The following SCN2A variants were observed in gnomAD, a reference collection of about 807,000 sequenced individuals.
SCN2A encodes the protein sodium voltage-gated channel alpha subunit 2.
In SCN2A, 20 loss-of-function variants were observed where a neutral mutation model predicts 188.7. The observed-to-expected ratio is 0.11, with a 90% CI of 0.07 to 0.15. The LOEUF (loss-of-function observed/expected upper bound fraction) is 0.15. Among genes scored for constraint, SCN2A ranks in the 10% least tolerant of loss-of-function variants. SCN2A has a pLI of 1.00. For missense variants in SCN2A, 1,278 were observed against 2,445.0 expected (o/e 0.52, Z 10.07); for synonymous variants, 804 against 833.1 (o/e 0.97, Z 0.60).
At chr2:165,266,235 A>G (rs2106096542) in intron 1 of SCN2A, among the ~76,000 whole-genome samples, 1 of 152,196 alleles carries the variant, frequency 6.6e-6, no homozygotes, top group Admixed American at 6.6e-5. Flanking sequence ...AATACTCAGA[A>G]GTATCTATTC....
At chr2:165,382,908 T>C (rs1224056771) in intron 25 of SCN2A, among the ~76,000 whole-genome samples, 5 of 152,150 alleles carry the variant, frequency 3.3e-5, no homozygotes, top group Admixed American at 1.3e-4. Context: ...TTCATCAAGA[T>C]ATAGGAAGAA....
At chr2:165,291,100 G>T (rs1273468322) in intron 1 of SCN2A, among the ~76,000 whole-genome samples, 1 of 122,164 alleles carries the variant, frequency 8.2e-6, no homozygotes, top group African/African-American at 3.1e-5. Context: ...GGAGTGCAGT[G>T]GCATGATCTT....
intron 3 of SCN2A, among the ~76,000 whole-genome samples, chr2:165,298,102 A>C (rs1027163323): frequency 6.6e-6 from 1 of 152,208 alleles, no homozygotes; most frequent in African/African-American, 2.4e-5. Context: ...TGCTTCAGGA[A>C]TCAGAGGTAA....
intron 22 of SCN2A, among the ~76,000 whole-genome samples, chr2:165,375,406 T>C (rs72874380): frequency 0.26 from 39,115 of 151,668 alleles, 5,442 homozygotes; most frequent in South Asian, 0.32. Context: ...TATATGTATA[T>C]GTATATATAT....
intron 1 of SCN2A, among the ~76,000 whole-genome samples, chr2:165,283,587 T>C (rs796126465): frequency 1.5e-4 from 23 of 152,316 alleles, no homozygotes; most frequent in African/African-American, 5.5e-4. Flanking sequence ...AATAGCAAGA[T>C]TATAAGGGGA....
At chr2:165,376,104 C>T (rs919164039) in intron 22 of SCN2A, among the ~76,000 whole-genome samples, 1 of 151,718 alleles carries the variant, frequency 6.6e-6, no homozygotes, top group Non-Finnish European at 1.5e-5. Context: ...AGGAAGAATA[C>T]ATTCTGTAGA....
At chr2:165,240,088 C>T (rs1324653041) in intron 1 of SCN2A, 8 of 152,134 alleles carry the variant, frequency 5.3e-5, no homozygotes, top group Non-Finnish European at 8.8e-5. Context: ...GCCTTTTGAA[C>T]GATTTCTGCT....
chr2:165,368,277 T>A (rs1700834271), intron 19 of SCN2A, among the ~76,000 whole-genome samples: 1 of 152,168 alleles, frequency 6.6e-6, no homozygotes, highest in South Asian at 2.1e-4. Flanking sequence ...AACTGTAGTC[T>A]CTGATGTCCA....
At chr2:165,385,971 C>G (rs2390211) in intron 25 of SCN2A, among the ~76,000 whole-genome samples, 63,494 of 151,914 alleles carry the variant, frequency 0.42, 13,460 homozygotes, top group East Asian at 0.54. Context: ...GAACATAATA[C>G]GTGAGTTTAT....
intron 19 of SCN2A, among the ~76,000 whole-genome samples, chr2:165,369,170 C>A (rs1281125635): frequency 6.6e-6 from 1 of 152,160 alleles, no homozygotes; most frequent in African/African-American, 2.4e-5. Context: ...CTCAAGAGAT[C>A]TGCCCGTCTT....
At chr2:165,373,406 G>T in intron 21 of SCN2A, 59 bp downstream of exon 21, 1 of 1,591,956 alleles carries the variant, frequency 6.3e-7, no homozygotes. Context: ...CTGACACTTT[G>T]TACCATGGAA....
At chr2:165,347,440 C>T (rs769287376) in intron 16 of SCN2A, among the ~76,000 whole-genome samples, 14 of 149,678 alleles carry the variant, frequency 9.4e-5, no homozygotes, top group Admixed American at 4.7e-4. Context: ...TGAGGCCTGT[C>T]GAGGGGTGGG....
chr2:165,331,060 T>C lies in SCN2A; in HGVS notation c.2150-270T>C, dbSNP rs570798834. ...TTCTACCCATTAGTTTCTAGCAGCCTTGAAGATAAGTATCAGACAGTTTAG... is the reference window on the plus strand; with the variant it reads ...TTCTACCCATTAGTTTCTAGCAGCCCTGAAGATAAGTATCAGACAGTTTAG... On this transcript the variant is annotated intron_variant, in intron 13 of 26. Coordinates refer to ENST00000375437, the MANE Select transcript of SCN2A (RefSeq NM_001040142.2). 2.0e-5 allele frequency among the ~76,000 whole-genome samples: 3 copies of C among 152,248 alleles called. No individual in the cohort carries two copies. The East Asian group carries it at 5.8e-4, about 29-fold the overall frequency.
rs1356443368 is a variant in SCN2A at position 165,389,861 on chromosome 2, T to C, written c.*37T>C. ...GAATTTTCCATTTTGTGATCAATTG[T>C]TTACAGCCCGTGATGGTGATGTGTT... On this transcript the variant is annotated 3_prime_UTR_variant, in exon 27 of 27. Transcript: ENST00000375437. This position sits in a 1 kb window ranked among gnomAD's most constrained non-coding sequence, Gnocchi z 4.2. 6.4e-7 allele frequency: 1 copy of C among 1,557,868 alleles called. No individual in the cohort carries two copies. Among genetic ancestry groups the C allele is most frequent in the Admixed American group, 1.9e-5 (1 of 52,544 alleles).
intron 1 of SCN2A, chr2:165,240,254 G>A (rs1231634380): frequency 6.6e-6 from 1 of 152,160 alleles, no homozygotes; most frequent in Admixed American, 6.5e-5. Context: ...TGGATGTGAG[G>A]AGTATGCTGA....
intron 11 of SCN2A, among the ~76,000 whole-genome samples, chr2:165,317,863 A>G (rs775715864): frequency 6.6e-6 from 1 of 152,142 alleles, no homozygotes; most frequent in South Asian, 2.1e-4. Context: ...GAAATAGTCA[A>G]ACAAATGTCT....
At chr2:165,385,965 A>T (rs753728474) in intron 25 of SCN2A, among the ~76,000 whole-genome samples, 1 of 152,220 alleles carries the variant, frequency 6.6e-6, no homozygotes, top group African/African-American at 2.4e-5. Flanking sequence ...CACTGAGAAC[A>T]TAATACGTGA....
In SCN2A at chr2:165,274,734, C is replaced by T. The variant is rs936689224; in HGVS notation, c.-51-21039C>T. On this transcript the variant is annotated intron_variant, in intron 1 of 26. Transcript: ENST00000375437. The stretch of plus-strand genomic sequence containing the variant: ...TATTTTGCCTTGTCCACTTCTCTGA[C>T]GTCTAGCTGTTTCTAGTTGCTAAAT... 7.9e-5 allele frequency among the ~76,000 whole-genome samples: 12 copies of T among 152,314 alleles called. No individual in the cohort carries two copies. The South Asian group carries it at 8.3e-4, about 11-fold the overall frequency.
intron 22 of SCN2A, 56 bp from the exon 23 acceptor site, chr2:165,377,541 T>C: frequency 7.0e-7 from 1 of 1,421,952 alleles, no homozygotes; most frequent in Non-Finnish European, 9.9e-7. Flanking sequence ...TTATTCAATT[T>C]ATTTTCTAAA....
Sources: gnomAD v4.1 joint callset for allele counts (sites outside exome capture counted in the v4.1 genomes callset) on GRCh38, gnomAD v4.1.1 for gene constraint, Gnocchi (gnomAD v3.1) non-coding constraint, MANE v1.5 for transcripts, NCBI Gene and HGNC (gene_info 2026-07-23, HGNC 2026-07-21) for gene names.